The following SLC35D4 variants were observed in gnomAD, a reference collection of about 807,000 sequenced individuals.
SLC35D4 encodes solute carrier family 35 member D4.
At chr18:23,385,075 A>G in the SLC35D4 span, 2 of 1,607,304 alleles carry the variant, frequency 1.2e-6, no homozygotes, top group South Asian at 2.2e-5. Context: ...GGCCTGAAAG[A>G]AAACAGAATA....
the SLC35D4 span, among the ~76,000 whole-genome samples, chr18:23,329,842 G>A: frequency 3.2e-4 from 49 of 152,330 alleles, no homozygotes; most frequent in Non-Finnish European, 5.6e-4. Flanking sequence ...TTAAGAAACT[G>A]TGGCACATAT....
the SLC35D4 span, chr18:23,373,585 T>C: frequency 1.9e-6 from 2 of 1,035,474 alleles, no homozygotes; most frequent in African/African-American, 1.6e-5. Flanking sequence ...CCTGCAAGAT[T>C]TGGAATGCTT....
chr18:23,256,609 G>C, the SLC35D4 span, among the ~76,000 whole-genome samples: 2 of 151,882 alleles, frequency 1.3e-5, no homozygotes, highest in East Asian at 3.9e-4. Flanking sequence ...ACCTCCCGAG[G>C]AGCTGGGATT....
chr18:23,289,308 A>G, the SLC35D4 span, among the ~76,000 whole-genome samples: 1 of 152,194 alleles, frequency 6.6e-6, no homozygotes, highest in Non-Finnish European at 1.5e-5. Flanking sequence ...CTCTAATTAA[A>G]TGTCCTAGGT....
the SLC35D4 span, among the ~76,000 whole-genome samples, chr18:23,326,908 C>T: frequency 3.3e-5 from 5 of 152,234 alleles, no homozygotes; most frequent in East Asian, 9.6e-4. Flanking sequence ...TCACTCAAAA[C>T]CGCACAACTG....
At chr18:23,331,881 G>GTTT in the SLC35D4 span, among the ~76,000 whole-genome samples, 1 of 103,110 alleles carries the variant, frequency 9.7e-6, no homozygotes. Context: ...TCTTGAACAT[G>GTTT]TCTTTTTTTT....
the SLC35D4 span, among the ~76,000 whole-genome samples, chr18:23,262,626 G>A: frequency 6.6e-6 from 1 of 152,386 alleles, no homozygotes; most frequent in East Asian, 1.9e-4. Flanking sequence ...CAGGTGCCGT[G>A]AGGCTGTTCT....
chr18:23,400,577 A>G, the SLC35D4 span, among the ~76,000 whole-genome samples: 1 of 152,328 alleles, frequency 6.6e-6, no homozygotes, highest in Non-Finnish European at 1.5e-5. Context: ...CAGTGAGCCA[A>G]GATCACGCCA....
the SLC35D4 span, chr18:23,257,416 G>A: frequency 2.6e-6 from 4 of 1,534,546 alleles, no homozygotes; most frequent in Non-Finnish European, 2.6e-6. Context: ...GCTTGGTGGA[G>A]CAGCACTTAC....
At chr18:23,424,222 G>A in the SLC35D4 span, among the ~76,000 whole-genome samples, 1 of 152,160 alleles carries the variant, frequency 6.6e-6, no homozygotes, top group African/African-American at 2.4e-5. Context: ...AGGAGACAAA[G>A]GAAACAAGAA....
chr18:23,303,653 C>A, the SLC35D4 span, among the ~76,000 whole-genome samples: 1 of 152,254 alleles, frequency 6.6e-6, no homozygotes, highest in African/African-American at 2.4e-5. Flanking sequence ...GTAATCCCAG[C>A]ACTTTGGGAG....
the SLC35D4 span, among the ~76,000 whole-genome samples, chr18:23,308,305 A>C: frequency 6.6e-6 from 1 of 152,082 alleles, no homozygotes; most frequent in Non-Finnish European, 1.5e-5. Flanking sequence ...CCCTCCCCAG[A>C]TCCGCAGGCT....
At chr18:23,246,287 G>A in the SLC35D4 span, among the ~76,000 whole-genome samples, 18 of 151,872 alleles carry the variant, frequency 1.2e-4, no homozygotes, top group African/African-American at 4.4e-4. Context: ...AGAAAACAGT[G>A]GTCACTCAGA....
chr18:23,284,128 T>A, the SLC35D4 span, among the ~76,000 whole-genome samples: 11 of 152,320 alleles, frequency 7.2e-5, no homozygotes, highest in East Asian at 2.1e-3. Context: ...CAAAGGTCAC[T>A]TTCATTGCCA....
the SLC35D4 span, among the ~76,000 whole-genome samples, chr18:23,430,932 G>T: frequency 6.6e-6 from 1 of 152,072 alleles, no homozygotes. Context: ...GAGGCAGGCA[G>T]ATCACAAGGT....
the SLC35D4 span, among the ~76,000 whole-genome samples, chr18:23,294,044 AC>A: frequency 3.3e-5 from 5 of 151,768 alleles, no homozygotes; most frequent in Admixed American, 3.3e-4. Flanking sequence ...CAATCCTCCC[AC>A]CTCAGCCTCC....
chr18:23,328,850 A>G, the SLC35D4 span, among the ~76,000 whole-genome samples: 1 of 152,232 alleles, frequency 6.6e-6, no homozygotes, highest in Non-Finnish European at 1.5e-5. Flanking sequence ...ACTGGTACCA[A>G]AACAGAGATA....
At chr18:23,241,818 TTA>T in the SLC35D4 span, among the ~76,000 whole-genome samples, 1 of 152,172 alleles carries the variant, frequency 6.6e-6, no homozygotes, top group African/African-American at 2.4e-5. Context: ...AGGACATGTC[TTA>T]GAGTGGGAAG....
the SLC35D4 span, among the ~76,000 whole-genome samples, chr18:23,321,113 C>T: frequency 1.3e-5 from 2 of 152,194 alleles, no homozygotes; most frequent in East Asian, 3.9e-4. Flanking sequence ...AGCCTACACC[C>T]AGAATCAACA....
Sources: allele counts gnomAD v4.1 joint callset (sites outside exome capture counted in the v4.1 genomes callset), GRCh38; gene constraint gnomAD v4.1.1; transcripts MANE v1.5; gene names NCBI Gene and HGNC (gene_info 2026-07-23, HGNC 2026-07-21).